The following GAREM1 variants were observed in gnomAD, a reference collection of about 807,000 sequenced individuals.
GAREM1 encodes GRB2 associated regulator of MAPK1 subtype 1, also known as GRB2-associated and regulator of MAPK protein 1.
In GAREM1, 26 loss-of-function variants were observed where a neutral mutation model predicts 71.3. That is an observed-to-expected ratio of 0.36 (90% CI 0.27 to 0.51). GAREM1 has a LOEUF of 0.51. Ranked by LOEUF, GAREM1 falls within the 20% of genes least tolerant of loss-of-function variation. The pLI, the probability that GAREM1 is intolerant of heterozygous loss-of-function variation, is 0.95. For synonymous variants in GAREM1, 440 were observed against 433.2 expected, an observed-to-expected ratio of 1.02 and a Z score of -0.20; for missense variants, 1,026 against 1,103.1, an observed-to-expected ratio of 0.93 and a Z score of 0.99.
At chr18:32,318,082 A>T (rs929627559) in intron 2 of GAREM1, among the ~76,000 whole-genome samples, 2 of 152,202 alleles carry the variant, frequency 1.3e-5, no homozygotes, top group African/African-American at 4.8e-5. Flanking sequence ...TGATTTCATA[A>T]AATGTCTCCA....
chr18:32,411,068 G>T (rs1387803433), intron 1 of GAREM1, among the ~76,000 whole-genome samples: 1 of 152,182 alleles, frequency 6.6e-6, no homozygotes, highest in African/African-American at 2.4e-5. Context: ...CTCCCAAAGT[G>T]CTGGGATTAC....
intron 2 of GAREM1, among the ~76,000 whole-genome samples, chr18:32,371,953 A>AT (rs1289221886): frequency 6.6e-6 from 1 of 152,208 alleles, no homozygotes; most frequent in Non-Finnish European, 1.5e-5. Context: ...AAGTTATGAG[A>AT]AAGAGAGTCA....
chr18:32,360,663 A>G (rs1378898123), intron 2 of GAREM1, among the ~76,000 whole-genome samples: 1 of 152,086 alleles, frequency 6.6e-6, no homozygotes, highest in Non-Finnish European at 1.5e-5. Context: ...GGGGGTTTTG[A>G]CTTTCACAGG....
intron 1 of GAREM1, among the ~76,000 whole-genome samples, chr18:32,432,498 TAA>T (rs2144259739): frequency 6.6e-6 from 1 of 152,092 alleles, no homozygotes; most frequent in East Asian, 1.9e-4. Flanking sequence ...GAAAAATCAA[TAA>T]GTCTAAAGAT....
intron 1 of GAREM1, among the ~76,000 whole-genome samples, chr18:32,456,800 T>G (rs906227061): frequency 2.0e-4 from 31 of 152,082 alleles, no homozygotes; most frequent in African/African-American, 7.5e-4. Flanking sequence ...GGAAACAAAT[T>G]AACTCCTGTC....
At chr18:32,294,711 T>C (rs1000259933) in intron 3 of GAREM1, among the ~76,000 whole-genome samples, 1 of 152,204 alleles carries the variant, frequency 6.6e-6, no homozygotes, top group African/African-American at 2.4e-5. Context: ...CTATTTTGCA[T>C]GTCCAGTGTC....
At chr18:32,334,344 T>C (rs1489756719) in intron 2 of GAREM1, among the ~76,000 whole-genome samples, 8 of 151,902 alleles carry the variant, frequency 5.3e-5, no homozygotes. Flanking sequence ...GATGTCAAGA[T>C]TGTTATTTTT....
chr18:32,447,274 G>C (rs2144285479), intron 1 of GAREM1, among the ~76,000 whole-genome samples: 1 of 152,148 alleles, frequency 6.6e-6, no homozygotes, highest in South Asian at 2.1e-4. Flanking sequence ...CTATTTTTCT[G>C]GTTGGAATTT....
At chr18:32,326,585 T>C (rs2047476833) in intron 2 of GAREM1, among the ~76,000 whole-genome samples, 1 of 152,162 alleles carries the variant, frequency 6.6e-6, no homozygotes, top group Non-Finnish European at 1.5e-5. Flanking sequence ...AATGAATGAG[T>C]ATGCTTTCAA....
intron 1 of GAREM1, chr18:32,412,373 ATTGT>A: frequency 6.3e-7 from 1 of 1,589,986 alleles, no homozygotes; most frequent in South Asian, 1.1e-5. Context: ...TTGAAGACTG[ATTGT>A]TGTAATTGCC....
Position 32,287,879 on chromosome 18 carries a change from C to G in GAREM1, c.718G>C (p.Val240Leu). 1 of 1,613,966 alleles carries G rather than the reference C, an allele frequency of 6.2e-7. No individual in the cohort carries two copies. The highest frequency in any genetic ancestry group is 8.5e-7 in the Non-Finnish European group (1 of 1,179,996). ...TTCACAGGAAGCCTGGTTTTCTCCA[C>G]AATGTTGCGGATGGTGTGTTCGCCC... is the stretch of plus-strand genomic sequence containing the variant. The part of the protein sequence containing the change: ...QEGEHTIRNI[V>L]EKTRLPVNVT... The change falls in exon 4 of 6, where the codon GTG becomes CTG. Residue 240 changes from valine (V) to leucine (L), a missense_variant. This residue lies in a region of GAREM1 where 218 missense variants were observed against 296.8 expected (regional missense o/e 0.73). Transcript: ENST00000269209. This position sits in a 1 kb window ranked among gnomAD's most constrained non-coding sequence, Gnocchi z 5.9.
chr18:32,376,003 C>T (rs375761662), intron 2 of GAREM1, among the ~76,000 whole-genome samples: 2 of 151,900 alleles, frequency 1.3e-5, no homozygotes, highest in Non-Finnish European at 2.9e-5. Flanking sequence ...AAAAAAAATC[C>T]GGGCAATAAT....
intron 3 of GAREM1, chr18:32,290,385 C>T (rs1382757606): frequency 6.6e-6 from 1 of 151,878 alleles, no homozygotes; most frequent in Non-Finnish European, 1.5e-5. Flanking sequence ...CAAAACATAT[C>T]ACAGATAAAG....
chr18:32,349,073 T>C (rs542770918), intron 2 of GAREM1, among the ~76,000 whole-genome samples: 2 of 152,198 alleles, frequency 1.3e-5, no homozygotes, highest in South Asian at 4.1e-4. Context: ...GACTATATGA[T>C]TTTCAAGGAT....
chr18:32,396,791 A>G (rs2048261808), intron 1 of GAREM1, among the ~76,000 whole-genome samples: 1 of 152,216 alleles, frequency 6.6e-6, no homozygotes, highest in Non-Finnish European at 1.5e-5. Context: ...ATTCAAATAC[A>G]GGAAATACAG....
chr18:32,425,853 A>AT (rs902364221), intron 1 of GAREM1, among the ~76,000 whole-genome samples: 2 of 151,988 alleles, frequency 1.3e-5, no homozygotes, highest in African/African-American at 2.4e-5. Context: ...TTTCTTGACA[A>AT]TTTTTTGCAT....
At chr18:32,347,634 T>A (rs1205932953) in intron 2 of GAREM1, among the ~76,000 whole-genome samples, 1 of 152,226 alleles carries the variant, frequency 6.6e-6, no homozygotes, top group Non-Finnish European at 1.5e-5. Flanking sequence ...CTTGGAGAAA[T>A]GCCTTAAGAT....
chr18:32,282,317 T>C (rs644277), intron 4 of GAREM1, among the ~76,000 whole-genome samples: 14,626 of 152,182 alleles, frequency 0.096, 965 homozygotes, highest in South Asian at 0.17. Context: ...TCCCAGCTCA[T>C]TGGGAGGCTG....
At chr18:32,403,385 C>G (rs547505228) in intron 1 of GAREM1, among the ~76,000 whole-genome samples, 2 of 152,104 alleles carry the variant, frequency 1.3e-5, no homozygotes, top group Admixed American at 6.6e-5. Context: ...TATGTTACCC[C>G]CTCCCGCTCC....
Sources: allele counts gnomAD v4.1 joint callset (sites outside exome capture counted in the v4.1 genomes callset), GRCh38; gene constraint gnomAD v4.1.1; regional missense constraint gnomAD v4.1.1; non-coding constraint Gnocchi (gnomAD v3.1); transcripts MANE v1.5; gene names NCBI Gene and HGNC (gene_info 2026-07-23, HGNC 2026-07-21).